Variants in ARHGAP6 observed in about 807,000 individuals in gnomAD.
The protein encoded by ARHGAP6 is Rho GTPase activating protein 6, also known as rho GTPase-activating protein 6.
ARHGAP6 carries 16 observed loss-of-function variants against 55.7 expected under a neutral mutation model. The ratio of observed to expected loss-of-function variants is 0.29; its 90% CI spans 0.19 to 0.44. The LOEUF (loss-of-function observed/expected upper bound fraction) is 0.44, where lower values mean the gene tolerates loss of function less well. Ranked by LOEUF, ARHGAP6 falls within the 20% of genes least tolerant of loss-of-function variation. The pLI is 1.00. For synonymous variants in ARHGAP6, 382 were observed against 360.9 expected (o/e 1.06, Z -0.66); for missense variants, 698 against 808.9 (o/e 0.86, Z 1.66).
At position 11,432,682 on chromosome X, in the gene ARHGAP6, A is replaced by C. The variant is rs921341450; in HGVS notation, c.589-177975T>G. On this transcript the variant is annotated intron_variant, in intron 1 of 12. Transcript: ENST00000337414. ...GATGAAATTAAGGAAATCAAACTCC[A>C]GGATCAGAAAGGAGAGCTGGAGTAG... is the stretch of plus-strand genomic sequence containing the variant. Among the ~76,000 whole-genome samples, 12 of 112,105 alleles carry C rather than the reference A, an allele frequency of 1.1e-4. No individual in the cohort carries two copies. In the South Asian group the frequency reaches 1.9e-3, roughly 18 times the overall value.
At chrX:11,212,679 C>G (rs2046820993) in intron 2 of ARHGAP6, among the ~76,000 whole-genome samples, 1 of 111,850 alleles carries the variant, frequency 8.9e-6, no homozygotes, top group South Asian at 3.7e-4. Context: ...CTCACCTAGA[C>G]AAGATTTCAA....
intron 1 of ARHGAP6, among the ~76,000 whole-genome samples, chrX:11,509,579 C>A (rs918869999): frequency 3.6e-5 from 4 of 111,875 alleles, no homozygotes; most frequent in Admixed American, 2.9e-4. Context: ...CTCAGTCCTC[C>A]CTGATATTTT....
intron 1 of ARHGAP6, among the ~76,000 whole-genome samples, chrX:11,637,934 A>G (rs1266039690): frequency 1.8e-5 from 2 of 111,552 alleles, no homozygotes; most frequent in Non-Finnish European, 3.8e-5. Flanking sequence ...CAATAATACA[A>G]ATCAGCTGTT....
intron 1 of ARHGAP6, among the ~76,000 whole-genome samples, chrX:11,324,465 A>G (rs1406623251): frequency 9.3e-6 from 1 of 107,391 alleles, no homozygotes. Flanking sequence ...AAAAATGACT[A>G]CAACAATGCT....
chrX:11,598,014 CAG>C (rs1382744449), intron 1 of ARHGAP6, among the ~76,000 whole-genome samples: 3 of 111,925 alleles, frequency 2.7e-5, no homozygotes, highest in Non-Finnish European at 5.6e-5. Context: ...AAATTGGAGG[CAG>C]AGAGTCCAGT....
intron 3 of ARHGAP6, among the ~76,000 whole-genome samples, chrX:11,195,570 A>G (rs1040019131): frequency 9.0e-6 from 1 of 111,068 alleles, no homozygotes; most frequent in Non-Finnish European, 1.9e-5. Flanking sequence ...GTGATCTAAC[A>G]TAAAAATGCT....
rs143526053 is a variant in ARHGAP6, at chrX:11,358,711, A to G, written c.589-104004T>C. On this transcript the variant is annotated intron_variant, in intron 1 of 12. Transcript: ENST00000337414. ...TGGTCAGGACAGTCTCGAACTCCCA[A>G]CTTCAGGTGATCCGTCCACCTTGGC... Among the ~76,000 whole-genome samples, 921 of 110,508 alleles carry G rather than the reference A, an allele frequency of 8.3e-3. 12 individuals are homozygous for G. Among genetic ancestry groups the G allele is most frequent in the African/African-American group, 0.029 (874 of 30,422 alleles).
chrX:11,377,652 T>C (rs1416496632), intron 1 of ARHGAP6, among the ~76,000 whole-genome samples: 1 of 112,035 alleles, frequency 8.9e-6, no homozygotes, highest in African/African-American at 3.2e-5. Flanking sequence ...AGAAGACTTA[T>C]TTCAATGTCA....
At chrX:11,289,361 C>T (rs765838208) in intron 1 of ARHGAP6, among the ~76,000 whole-genome samples, 25 of 110,973 alleles carry the variant, frequency 2.3e-4, no homozygotes, top group African/African-American at 8.2e-4. Context: ...TATCATACTC[C>T]AAACTTCTCG....
intron 1 of ARHGAP6, among the ~76,000 whole-genome samples, chrX:11,660,687 A>C (rs1464330217): frequency 1.8e-5 from 2 of 109,447 alleles, no homozygotes; most frequent in Non-Finnish European, 3.8e-5. Context: ...TCCTCCAAAC[A>C]AATTATTGCG....
intron 1 of ARHGAP6, among the ~76,000 whole-genome samples, chrX:11,662,245 C>T (rs921366175): frequency 8.9e-6 from 1 of 111,767 alleles, no homozygotes; most frequent in African/African-American, 3.3e-5. Flanking sequence ...TCAGAGGGTT[C>T]CAGGGCGTTA....
chrX:11,628,150 C>T (rs2052319930), intron 1 of ARHGAP6, among the ~76,000 whole-genome samples: 1 of 112,073 alleles, frequency 8.9e-6, no homozygotes. Flanking sequence ...GCTTTAAAAA[C>T]AGCTGACTTG....
At chrX:11,196,135 AAAAACAAAACAAAAC>A (rs572396714) in intron 3 of ARHGAP6, among the ~76,000 whole-genome samples, 24 of 100,701 alleles carry the variant, frequency 2.4e-4, no homozygotes, top group African/African-American at 7.2e-4. Flanking sequence ...CTCTGTCTCA[AAAAACAAAACAAAAC>A]AAAACAAAAC....
chrX:11,256,056 T>C (rs1207179740), intron 1 of ARHGAP6, among the ~76,000 whole-genome samples: 1 of 110,879 alleles, frequency 9.0e-6, no homozygotes. Context: ...TTGCAATAAA[T>C]GGAACACTTA....
At chrX:11,157,262 G>T (rs2045876453) in intron 9 of ARHGAP6, among the ~76,000 whole-genome samples, 1 of 112,423 alleles carries the variant, frequency 8.9e-6, no homozygotes, top group Non-Finnish European at 1.9e-5. Flanking sequence ...CTTATTATAT[G>T]TTGAGACTTT....
intron 1 of ARHGAP6, among the ~76,000 whole-genome samples, chrX:11,447,194 C>G (rs2050100669): frequency 8.9e-6 from 1 of 112,022 alleles, no homozygotes; most frequent in South Asian, 3.7e-4. Flanking sequence ...TGATGACTGT[C>G]TACATCAGAA....
intron 10 of ARHGAP6, among the ~76,000 whole-genome samples, chrX:11,151,390 G>C (rs1050358260): frequency 9.1e-6 from 1 of 109,370 alleles, no homozygotes; most frequent in African/African-American, 3.3e-5. Context: ...TCATCCTCCC[G>C]AGTAGCTGGG....
intron 1 of ARHGAP6, among the ~76,000 whole-genome samples, chrX:11,468,491 C>G (rs1243346341): frequency 8.9e-6 from 1 of 111,993 alleles, no homozygotes; most frequent in Non-Finnish European, 1.9e-5. Flanking sequence ...TTCTAGCCAT[C>G]ACGTCCTTCT....
At chrX:11,144,543 C>A (rs191878460) in intron 10 of ARHGAP6, among the ~76,000 whole-genome samples, 2 of 112,717 alleles carry the variant, frequency 1.8e-5, no homozygotes, top group African/African-American at 6.4e-5. Context: ...ATGGGCATCG[C>A]TAAGTGCCTC....
Sources: allele counts gnomAD v4.1 joint callset (sites outside exome capture counted in the v4.1 genomes callset), GRCh38; gene constraint gnomAD v4.1.1; transcripts MANE v1.5; gene names NCBI Gene and HGNC (gene_info 2026-07-23, HGNC 2026-07-21).